The following CACNA1C variants were observed in gnomAD, a reference collection of about 807,000 sequenced individuals.
CACNA1C encodes the protein voltage-dependent L-type calcium channel subunit alpha-1C.
Under a neutral mutation model 229.0 loss-of-function variants are expected in CACNA1C, and 30 were observed. The observed-to-expected ratio is 0.13, with a 90% CI of 0.10 to 0.18. The LOEUF (loss-of-function observed/expected upper bound fraction) is 0.18. Ranked by LOEUF, CACNA1C falls within the 10% of genes least tolerant of loss-of-function variation. The probability of loss-of-function intolerance (pLI) is 1.00; values close to 1 mark genes in which losing one functional copy is unlikely to be tolerated. For missense variants in CACNA1C, 1,658 were observed against 2,845.0 expected, an observed-to-expected ratio of 0.58 and a Z score of 9.49; for synonymous variants, 1,114 against 1,132.5, an observed-to-expected ratio of 0.98 and a Z score of 0.33.
At chr12:2,555,221 C>T (rs1228379238) in intron 10 of CACNA1C, among the ~76,000 whole-genome samples, 1 of 152,220 alleles carries the variant, frequency 6.6e-6, no homozygotes, top group East Asian at 1.9e-4. Flanking sequence ...GATTAGGTTT[C>T]CCCAGAGGGG....
intron 3 of CACNA1C, among the ~76,000 whole-genome samples, chr12:2,317,243 A>G (rs754562589): frequency 1.3e-5 from 2 of 152,218 alleles, no homozygotes; most frequent in African/African-American, 4.8e-5. Context: ...ACAAAAGCCA[A>G]AACGTGAGAG....
Position 2,504,596 on chromosome 12 carries a change from C to A in CACNA1C, c.1114-246C>A, listed in dbSNP as rs2099767583. The A allele has an allele frequency of 3.9e-6, 4 of 1,037,678 alleles. No homozygotes were observed. Among genetic ancestry groups the A allele is most frequent in the Non-Finnish European group, 6.1e-6 (4 of 655,516 alleles). 64.3% of individuals were successfully genotyped at this position (1,037,678 alleles called of 1,614,324 possible). ...ACGCAGCCGAGCAAGGTCTCAGGTT[C>A]CACTCCGTACATGCCCGGGGTCCTC... is the stretch of plus-strand genomic sequence containing the variant. On this transcript the variant is annotated intron_variant, in intron 7 of 46. Coordinates refer to ENST00000399655, the MANE Select transcript of CACNA1C (RefSeq NM_000719.7). The surrounding 1 kb of genome is among the most constrained non-coding windows in gnomAD (Gnocchi z 6.8).
At chr12:2,635,568 T>G (rs529945303) in intron 30 of CACNA1C, among the ~76,000 whole-genome samples, 109 of 139,548 alleles carry the variant, frequency 7.8e-4, no homozygotes, top group African/African-American at 2.8e-3. Context: ...CCACTCCATC[T>G]TTTGCTCTCA....
intron 3 of CACNA1C, among the ~76,000 whole-genome samples, chr12:2,298,985 A>G (rs565309799): frequency 8.5e-5 from 13 of 152,180 alleles, no homozygotes; most frequent in African/African-American, 2.9e-4. Flanking sequence ...TGTTTTATTT[A>G]CTCTTGCTAA....
At position 2,285,570 on chromosome 12, in the gene CACNA1C, CGGGTTG is replaced by C. The variant is rs1566879838; in HGVS notation, c.478-163405_478-163400del. On this transcript the variant is annotated intron_variant, in intron 3 of 46. Coordinates refer to ENST00000399655, the MANE Select transcript of CACNA1C (RefSeq NM_000719.7). This position sits in a 1 kb window ranked among gnomAD's most constrained non-coding sequence, Gnocchi z 4.2. ...TCCTTAAACACCTCCTCATCCCAGA[CGGGTTG>C]ACTTTCAATGAGAGGACTCTGCTGT... 3.9e-5 allele frequency among the ~76,000 whole-genome samples: 6 copies of C among 152,124 alleles called. No homozygotes were observed. Among genetic ancestry groups the C allele is most frequent in the African/African-American group, 1.4e-4 (6 of 41,422 alleles).
At chr12:2,511,957 A>G (rs2099785066) in intron 8 of CACNA1C, among the ~76,000 whole-genome samples, 1 of 152,096 alleles carries the variant, frequency 6.6e-6, no homozygotes, top group Non-Finnish European at 1.5e-5. Flanking sequence ...TTCTATTCTG[A>G]TTGGATTTCT....
chr12:2,326,421 T>C (rs1007238107), intron 3 of CACNA1C, among the ~76,000 whole-genome samples: 3 of 152,238 alleles, frequency 2.0e-5, no homozygotes, highest in Admixed American at 1.3e-4. Flanking sequence ...GCAATTTGGA[T>C]GTAGATATTT....
chr12:2,328,431 T>C (rs1245560463), intron 3 of CACNA1C, among the ~76,000 whole-genome samples: 1 of 152,222 alleles, frequency 6.6e-6, no homozygotes, highest in Non-Finnish European at 1.5e-5. Flanking sequence ...TGTGACTTAG[T>C]ACTGACCCCA....
intron 3 of CACNA1C, among the ~76,000 whole-genome samples, chr12:2,309,524 T>C (rs2095304110): frequency 6.6e-6 from 1 of 152,048 alleles, no homozygotes; most frequent in African/African-American, 2.4e-5. Flanking sequence ...CAGAGGGAAC[T>C]GTGTTATTCA....
chr12:2,096,533 C>G lies in CACNA1C; in HGVS notation c.50-18691C>G, dbSNP rs550629080. On this transcript the variant is annotated intron_variant, in intron 1 of 46. Transcript: ENST00000399655. ...GGATGTTCTTCCAAGTATTCTGAGTCTCTTTGGCTTTTTAAAACACATTAA... is the reference window on the plus strand; with the variant it reads ...GGATGTTCTTCCAAGTATTCTGAGTGTCTTTGGCTTTTTAAAACACATTAA... Among the ~76,000 whole-genome samples, 3 of 152,248 alleles carry G rather than the reference C, an allele frequency of 2.0e-5. No individual in the cohort carries two copies. The South Asian group carries it at 6.2e-4, about 32-fold the overall frequency.
intron 3 of CACNA1C, among the ~76,000 whole-genome samples, chr12:2,174,702 A>G (rs910430287): frequency 6.6e-5 from 10 of 152,228 alleles, no homozygotes; most frequent in African/African-American, 9.6e-5. Flanking sequence ...TGACTCCCGC[A>G]AAGCCTAACT....
At chr12:2,193,227 G>A (rs564957852) in intron 3 of CACNA1C, among the ~76,000 whole-genome samples, 1 of 152,304 alleles carries the variant, frequency 6.6e-6, no homozygotes, top group Admixed American at 6.5e-5. Flanking sequence ...GGCTGAGGCG[G>A]GTGGATCACT....
At chr12:2,226,139 ACACACAC>A (rs2062935277) in intron 3 of CACNA1C, among the ~76,000 whole-genome samples, 1 of 144,720 alleles carries the variant, frequency 6.9e-6, no homozygotes, top group Non-Finnish European at 1.5e-5. Context: ...ACACACACAC[ACACACAC>A]ACACACACAC....
At chr12:2,392,561 AG>A in intron 3 of CACNA1C, among the ~76,000 whole-genome samples, 1 of 152,316 alleles carries the variant, frequency 6.6e-6, no homozygotes, top group Admixed American at 6.5e-5. Flanking sequence ...CCAAGCTCAA[AG>A]CACACTTTTC....
chr12:2,676,707 G>A (rs2096835993), intron 39 of CACNA1C: 1 of 164,848 alleles, frequency 6.1e-6, no homozygotes, highest in African/African-American at 2.4e-5. Flanking sequence ...TTGAAGCTCT[G>A]GAATCAAATG....
chr12:2,203,042 C>T (rs948477480), intron 3 of CACNA1C, among the ~76,000 whole-genome samples: 2 of 152,158 alleles, frequency 1.3e-5, no homozygotes, highest in East Asian at 1.9e-4. Context: ...CATCAGGATC[C>T]TATTAAAGTT....
At chr12:2,483,814 C>T (rs1567956739) in intron 5 of CACNA1C, among the ~76,000 whole-genome samples, 1 of 152,180 alleles carries the variant, frequency 6.6e-6, no homozygotes, top group Non-Finnish European at 1.5e-5. Context: ...TTTCACTCCA[C>T]TTGGCCTCTC....
At chr12:2,485,121 G>T (rs1463490604) in intron 5 of CACNA1C, among the ~76,000 whole-genome samples, 1 of 152,108 alleles carries the variant, frequency 6.6e-6, no homozygotes, top group Non-Finnish European at 1.5e-5. Context: ...CACAAAAAGT[G>T]ACCTGTGTAG....
intron 1 of CACNA1C, among the ~76,000 whole-genome samples, chr12:2,035,578 C>T (rs1402284733): frequency 6.6e-6 from 1 of 152,222 alleles, no homozygotes; most frequent in African/African-American, 2.4e-5. Context: ...CCCTGTGGGC[C>T]TCCCACGCTG....
Sources: allele counts gnomAD v4.1 joint callset (sites outside exome capture counted in the v4.1 genomes callset), GRCh38; gene constraint gnomAD v4.1.1; non-coding constraint Gnocchi (gnomAD v3.1); transcripts MANE v1.5; gene names NCBI Gene and HGNC (gene_info 2026-07-23, HGNC 2026-07-21).